KIF6: variants seen among roughly 807,000 people sequenced by gnomAD.
The protein encoded by KIF6 is kinesin-like protein KIF6.
Under a neutral mutation model 112.7 loss-of-function variants are expected in KIF6, and 106 were observed. The observed-to-expected ratio is 0.94, with a 90% confidence interval of 0.80 to 1.11. The LOEUF is 1.11. Ranked by LOEUF, KIF6 falls within the 50% of genes least tolerant of loss-of-function variation. KIF6 has a pLI of 0.00. For synonymous variants in KIF6, 339 were observed against 339.9 expected (o/e 1.00, Z 0.03); for missense variants, 929 against 964.0 (o/e 0.96, Z 0.48).
chr6:39,458,041 T>A (rs1343592680), intron 13 of KIF6, among the ~76,000 whole-genome samples: 4 of 151,926 alleles, frequency 2.6e-5, no homozygotes, highest in Non-Finnish European at 4.4e-5. Flanking sequence ...ATCATTCTGA[T>A]ACCAAAGCTG....
intron 5 of KIF6, among the ~76,000 whole-genome samples, chr6:39,630,209 C>A (rs1784286652): frequency 6.6e-6 from 1 of 151,880 alleles, no homozygotes; most frequent in Admixed American, 6.6e-5. Context: ...TTATTGATAT[C>A]TACAAAATAA....
chr6:39,498,481 T>C (rs968474428), intron 13 of KIF6, among the ~76,000 whole-genome samples: 4 of 152,224 alleles, frequency 2.6e-5, no homozygotes, highest in Non-Finnish European at 5.9e-5. Flanking sequence ...TTCTGACTGC[T>C]TCACAATTTC....
At chr6:39,467,827 T>C (rs967276418) in intron 13 of KIF6, among the ~76,000 whole-genome samples, 1 of 152,180 alleles carries the variant, frequency 6.6e-6, no homozygotes, top group African/African-American at 2.4e-5. Flanking sequence ...GCATATATGC[T>C]AGCTTAGCAG....
chr6:39,341,212 C>T (rs956236009), intron 22 of KIF6, among the ~76,000 whole-genome samples: 7 of 152,198 alleles, frequency 4.6e-5, no homozygotes, highest in South Asian at 2.1e-4. Context: ...TCCCCAGCCA[C>T]TCCCAGTCCC....
chr6:39,475,004 T>C (rs940826371), intron 13 of KIF6, among the ~76,000 whole-genome samples: 3 of 152,260 alleles, frequency 2.0e-5, no homozygotes, highest in African/African-American at 7.2e-5. Context: ...ATGTTCTTTC[T>C]CTTGCATTTC....
At chr6:39,523,018 C>T (rs186403883) in intron 13 of KIF6, among the ~76,000 whole-genome samples, 33 of 152,306 alleles carry the variant, frequency 2.2e-4, no homozygotes, top group Middle Eastern at 3.4e-3. Context: ...GCTATACATT[C>T]GTTTGCATAG....
intron 13 of KIF6, among the ~76,000 whole-genome samples, chr6:39,472,810 A>C (rs1774197841): frequency 1.3e-5 from 2 of 151,994 alleles, no homozygotes; most frequent in Admixed American, 1.3e-4. Flanking sequence ...TTTTGATGCA[A>C]CTACAGTGTT....
At chr6:39,387,802 A>T (rs1258568002) in intron 15 of KIF6, among the ~76,000 whole-genome samples, 2 of 152,234 alleles carry the variant, frequency 1.3e-5, no homozygotes, top group Non-Finnish European at 2.9e-5. Context: ...CTGCTGAATT[A>T]AATTTTAAGA....
intron 3 of KIF6, among the ~76,000 whole-genome samples, chr6:39,642,857 T>C (rs1230196636): frequency 6.6e-6 from 1 of 152,126 alleles, no homozygotes; most frequent in Non-Finnish European, 1.5e-5. Context: ...GCCTTTAGAC[T>C]GCACAAACAG....
At chr6:39,666,100 G>A (rs1246893919) in intron 3 of KIF6, among the ~76,000 whole-genome samples, 4 of 152,192 alleles carry the variant, frequency 2.6e-5, no homozygotes, top group Admixed American at 1.3e-4. Context: ...GGCAAATCAT[G>A]CATTTTTAAA....
At chr6:39,456,964 G>C (rs1010628433) in intron 13 of KIF6, among the ~76,000 whole-genome samples, 4 of 147,732 alleles carry the variant, frequency 2.7e-5, no homozygotes, top group Non-Finnish European at 4.4e-5. Context: ...AGATCAATGA[G>C]ACAGAAAGTC....
intron 14 of KIF6, among the ~76,000 whole-genome samples, chr6:39,423,748 CT>C (rs1770554317): frequency 1.3e-5 from 2 of 152,110 alleles, no homozygotes; most frequent in African/African-American, 4.8e-5. Flanking sequence ...CCCTTTGCCC[CT>C]CTCTCCATTA....
At chr6:39,646,714 G>T (rs941332010) in intron 3 of KIF6, among the ~76,000 whole-genome samples, 1 of 152,144 alleles carries the variant, frequency 6.6e-6, no homozygotes, top group African/African-American at 2.4e-5. Context: ...TAAGCTAATA[G>T]AAATACGCTA....
chr6:39,669,645 C>T (rs765318738), intron 3 of KIF6, among the ~76,000 whole-genome samples: 10 of 152,210 alleles, frequency 6.6e-5, no homozygotes, highest in Non-Finnish European at 1.5e-4. Context: ...CACAAAGGTA[C>T]TTAGGCTTTG....
chr6:39,714,251 C>G (rs560835971), intron 3 of KIF6, among the ~76,000 whole-genome samples: 70 of 152,254 alleles, frequency 4.6e-4, no homozygotes, highest in African/African-American at 1.7e-3. Flanking sequence ...TAGAGCAGGG[C>G]CAGCATCATT....
chr6:39,383,586 G>A (rs1486293599), intron 16 of KIF6, among the ~76,000 whole-genome samples: 2 of 152,188 alleles, frequency 1.3e-5, no homozygotes, highest in African/African-American at 2.4e-5. Flanking sequence ...TTTGTAATGG[G>A]TAATGTGATA....
At chr6:39,423,660 C>T (rs9367006) in intron 14 of KIF6, among the ~76,000 whole-genome samples, 8,577 of 152,118 alleles carry the variant, frequency 0.056, 424 homozygotes, top group East Asian at 0.23. Context: ...GAACACCTCC[C>T]CTGTTTTTCC....
chr6:39,663,269 A>C (rs1786270314), intron 3 of KIF6, among the ~76,000 whole-genome samples: 1 of 152,218 alleles, frequency 6.6e-6, no homozygotes, highest in Non-Finnish European at 1.5e-5. Context: ...AAGGAAATTT[A>C]AATTTTGAAA....
At chr6:39,348,105 G>A (rs1452969486) in intron 19 of KIF6, among the ~76,000 whole-genome samples, 2 of 152,226 alleles carry the variant, frequency 1.3e-5, no homozygotes, top group East Asian at 3.8e-4. Context: ...GCCTGGAGAA[G>A]GGAAGGAGAA....
Sources: gnomAD v4.1 joint callset for allele counts (sites outside exome capture counted in the v4.1 genomes callset) on GRCh38, gnomAD v4.1.1 for gene constraint, MANE v1.5 for transcripts, NCBI Gene and HGNC (gene_info 2026-07-23, HGNC 2026-07-21) for gene names.